The following CAMTA1 variants were observed in gnomAD, a reference collection of about 807,000 sequenced individuals.
The protein encoded by CAMTA1 is calmodulin binding transcription activator 1, also known as calmodulin-binding transcription activator 1.
Under a neutral mutation model 170.9 loss-of-function variants are expected in CAMTA1, and 27 were observed. The observed-to-expected ratio is 0.16, with a 90% confidence interval of 0.12 to 0.22. The LOEUF is 0.22. CAMTA1 is among the 10% of genes least tolerant of loss of function. The probability of loss-of-function intolerance (pLI) is 1.00; values close to 1 mark genes in which losing one functional copy is unlikely to be tolerated. For missense variants in CAMTA1, 1,619 were observed against 2,217.2 expected, an observed-to-expected ratio of 0.73 and a Z score of 5.42; for synonymous variants, 833 against 891.5, an observed-to-expected ratio of 0.93 and a Z score of 1.17.
At position 7,685,324 on chromosome 1, in the gene CAMTA1, C is replaced by T. The variant is rs1576858632; in HGVS notation, c.2914+7591C>T. 6.6e-6 allele frequency among the ~76,000 whole-genome samples: 1 copy of T among 152,198 alleles called. No homozygotes were observed. The highest frequency in any genetic ancestry group is 2.4e-5 in the African/African-American group (1 of 41,446). ...GAGGAGCCACTCACAGGATGCCCTC[C>T]TGTTGGAATGCTCAGGGACGGCCAT... On this transcript the variant is annotated intron_variant, in intron 11 of 22. Coordinates refer to ENST00000303635, the MANE Select transcript of CAMTA1 (RefSeq NM_015215.4). The surrounding 1 kb of genome is among the most constrained non-coding windows in gnomAD (Gnocchi z 5.7).
chr1:7,294,426 A>G (rs1673622151), intron 5 of CAMTA1, among the ~76,000 whole-genome samples: 1 of 152,142 alleles, frequency 6.6e-6, no homozygotes, highest in Admixed American at 6.5e-5. Flanking sequence ...ACTGCCTCTG[A>G]TGGAAGGTGT....
chr1:7,108,539 C>G (rs923222994), intron 4 of CAMTA1, among the ~76,000 whole-genome samples: 4 of 152,046 alleles, frequency 2.6e-5, no homozygotes, highest in African/African-American at 9.7e-5. Flanking sequence ...AGAAACGATT[C>G]AACAATCCTT....
intron 5 of CAMTA1, among the ~76,000 whole-genome samples, chr1:7,412,157 G>A (rs1365343223): frequency 3.3e-5 from 5 of 152,142 alleles, no homozygotes; most frequent in East Asian, 3.9e-4. Flanking sequence ...CCAGTCTATC[G>A]TTGTTGGACA....
chr1:7,057,372 A>G (rs4072549), intron 3 of CAMTA1, among the ~76,000 whole-genome samples: 13,573 of 152,188 alleles, frequency 0.089, 583 homozygotes, highest in East Asian at 0.17. Flanking sequence ...TAAAAAATCA[A>G]CTATACAGGT....
intron 3 of CAMTA1, among the ~76,000 whole-genome samples, chr1:6,858,601 C>T (rs1414955081): frequency 1.3e-5 from 2 of 151,930 alleles, no homozygotes; most frequent in South Asian, 4.1e-4. Flanking sequence ...CTCTTTTGAT[C>T]AGTTAATTGG....
chr1:7,715,984 T>C (rs1444028372), intron 11 of CAMTA1, among the ~76,000 whole-genome samples: 4 of 152,242 alleles, frequency 2.6e-5, no homozygotes, highest in East Asian at 1.9e-4. Flanking sequence ...TTTAAAAATA[T>C]CATCTATTTA....
At chr1:7,358,997 A>G (rs538667542) in intron 5 of CAMTA1, among the ~76,000 whole-genome samples, 1 of 152,062 alleles carries the variant, frequency 6.6e-6, no homozygotes, top group African/African-American at 2.4e-5. Flanking sequence ...TCAGCAGCCC[A>G]TGTGGCACAC....
intron 10 of CAMTA1, among the ~76,000 whole-genome samples, chr1:7,672,391 C>T (rs2096068493): frequency 6.6e-6 from 1 of 152,142 alleles, no homozygotes; most frequent in Non-Finnish European, 1.5e-5. Flanking sequence ...ACCCATTTCT[C>T]CTTTTCTCCT....
rs1241446786 is a variant in CAMTA1, at chr1:6,965,338, G to T, written c.235-125966G>T. ...ATGTGTGTGGGTGTGTGTGTAGGGG[G>T]CACGCAGCCAGCTCTAACTTGAGCA... On this transcript the variant is annotated intron_variant, in intron 3 of 22. Transcript: ENST00000303635. The surrounding 1 kb of genome is among the most constrained non-coding windows in gnomAD (Gnocchi z 4.1). Among the ~76,000 whole-genome samples, 1 of 152,064 alleles carries T rather than the reference G, an allele frequency of 6.6e-6. No individual in the cohort carries two copies. The highest frequency in any genetic ancestry group is 2.4e-5 in the African/African-American group (1 of 41,398).
At chr1:6,954,092 G>C (rs1876847) in intron 3 of CAMTA1, among the ~76,000 whole-genome samples, 67,173 of 152,120 alleles carry the variant, frequency 0.44, 15,075 homozygotes, top group East Asian at 0.56. Context: ...TTTGGGACTT[G>C]TCCTTTTTCT....
intron 3 of CAMTA1, among the ~76,000 whole-genome samples, chr1:6,976,110 A>G (rs1038059045): frequency 1.3e-5 from 2 of 152,168 alleles, no homozygotes; most frequent in Non-Finnish European, 2.9e-5. Flanking sequence ...GACCTAATTG[A>G]GTTGGGGTTC....
intron 4 of CAMTA1, among the ~76,000 whole-genome samples, chr1:7,191,721 T>C (rs1654560080): frequency 6.6e-6 from 1 of 152,218 alleles, no homozygotes; most frequent in African/African-American, 2.4e-5. Context: ...CACAGTGCTG[T>C]AACAAATACA....
intron 5 of CAMTA1, among the ~76,000 whole-genome samples, chr1:7,394,763 C>G (rs1468366755): frequency 6.6e-6 from 1 of 151,088 alleles, no homozygotes; most frequent in Non-Finnish European, 1.5e-5. Flanking sequence ...TTAAAAAATC[C>G]TTACCCAGAC....
intron 6 of CAMTA1, among the ~76,000 whole-genome samples, chr1:7,501,345 T>A (rs1268884283): frequency 6.6e-6 from 1 of 152,152 alleles, no homozygotes; most frequent in African/African-American, 2.4e-5. Flanking sequence ...GAGAACGGCC[T>A]TTGTTCCCGG....
At chr1:7,106,593 G>A (rs910090256) in intron 4 of CAMTA1, among the ~76,000 whole-genome samples, 3 of 151,950 alleles carry the variant, frequency 2.0e-5, no homozygotes, top group South Asian at 2.1e-4. Context: ...CTTTCTTAGC[G>A]CTTTAAAATA....
At position 7,321,949 on chromosome 1, in the gene CAMTA1, G is replaced by A. The variant is rs755793058; in HGVS notation, c.438+72323G>A. On this transcript the variant is annotated intron_variant, in intron 5 of 22. Transcript: ENST00000303635. ...GGAAATTGGGAACATATCTTGAGTC[G>A]AGGCACCAGTTACCTTGCAGGAGAG... is the stretch of plus-strand genomic sequence containing the variant. Among the ~76,000 whole-genome samples, 7 of 152,308 alleles carry A rather than the reference G, an allele frequency of 4.6e-5. No individual in the cohort carries two copies. In the South Asian group the frequency reaches 1.0e-3, roughly 23 times the overall value.
At chr1:7,702,737 A>C (rs1268370811) in intron 11 of CAMTA1, among the ~76,000 whole-genome samples, 3 of 152,218 alleles carry the variant, frequency 2.0e-5, no homozygotes, top group Non-Finnish European at 4.4e-5. Context: ...ACATATTCTA[A>C]GTATGCAACT....
intron 5 of CAMTA1, among the ~76,000 whole-genome samples, chr1:7,414,046 T>C (rs1044441754): frequency 1.2e-3 from 185 of 152,378 alleles, no homozygotes; most frequent in African/African-American, 3.8e-3. Context: ...TCTGTTTATA[T>C]GCTGGATTAC....
intron 5 of CAMTA1, among the ~76,000 whole-genome samples, chr1:7,346,480 T>C (rs1442335183): frequency 6.6e-6 from 1 of 152,242 alleles, no homozygotes; most frequent in East Asian, 1.9e-4. Flanking sequence ...GCTGAGAGCT[T>C]TCTTCTTAAC....
Sources: allele counts gnomAD v4.1 joint callset (sites outside exome capture counted in the v4.1 genomes callset), GRCh38; gene constraint gnomAD v4.1.1; non-coding constraint Gnocchi (gnomAD v3.1); transcripts MANE v1.5; gene names NCBI Gene and HGNC (gene_info 2026-07-23, HGNC 2026-07-21).